Variants in KIF13B observed in about 807,000 individuals in gnomAD.
The protein encoded by KIF13B is kinesin-like protein KIF13B.
Under a neutral mutation model 222.0 loss-of-function variants are expected in KIF13B, and 127 were observed. The observed-to-expected ratio is 0.57, with a 90% CI of 0.50 to 0.66. The LOEUF (loss-of-function observed/expected upper bound fraction) is 0.66, where lower values mean the gene tolerates loss of function less well. KIF13B is among the 30% of genes least tolerant of loss of function. The pLI is 0.00. For synonymous variants in KIF13B, 976 were observed against 919.0 expected (o/e 1.06, Z -1.12); for missense variants, 2,173 against 2,379.0 (o/e 0.91, Z 1.80).
At chr8:29,151,541 T>G (rs1012508905) in intron 14 of KIF13B, among the ~76,000 whole-genome samples, 3 of 152,248 alleles carry the variant, frequency 2.0e-5, no homozygotes, top group Non-Finnish European at 4.4e-5. Context: ...TGCCAATGCT[T>G]ACTGACCATT....
At chr8:29,104,224 C>T (rs184241743) in intron 35 of KIF13B, among the ~76,000 whole-genome samples, 11 of 152,152 alleles carry the variant, frequency 7.2e-5, no homozygotes, top group Admixed American at 2.0e-4. Flanking sequence ...GGCTTCAACT[C>T]GGACACCTGA....
chr8:29,092,151 G>A (rs1024018287), intron 37 of KIF13B, among the ~76,000 whole-genome samples: 1 of 152,200 alleles, frequency 6.6e-6, no homozygotes, highest in East Asian at 1.9e-4. Context: ...CCTATATAAC[G>A]CTGGAAATTG....
At chr8:29,240,303 T>G (rs779061614) in intron 2 of KIF13B, among the ~76,000 whole-genome samples, 71 of 150,194 alleles carry the variant, frequency 4.7e-4, no homozygotes, top group African/African-American at 1.1e-3. Context: ...ATTGTACGCT[T>G]CATCACCATG....
chr8:29,218,713 A>G (rs558559234), intron 2 of KIF13B, among the ~76,000 whole-genome samples: 1 of 152,364 alleles, frequency 6.6e-6, no homozygotes, highest in African/African-American at 2.4e-5. Context: ...TAAGAGAGTC[A>G]TGGATTATAT....
At chr8:29,117,525 TAG>T (rs572874714) in intron 30 of KIF13B, among the ~76,000 whole-genome samples, 5 of 152,202 alleles carry the variant, frequency 3.3e-5, no homozygotes, top group Non-Finnish European at 7.3e-5. Context: ...CACGTTTCTC[TAG>T]TCTACTCTAA....
chr8:29,262,867 C>T, intron 1 of KIF13B, 113 bp downstream of exon 1: 1 of 806,112 alleles, frequency 1.2e-6, no homozygotes, highest in Non-Finnish European at 1.8e-6. Flanking sequence ...CTCCTCGCGC[C>T]CCGCCGCTGA....
Position 29,142,309 on chromosome 8 carries a change from A to G in KIF13B, c.2188-6T>C. ...TCACTAAGAAGAGAGCCTCGCTGCA[A>G]AGAGAGTAAGAATGACCGTGAGAAA... On this transcript the variant is annotated splice_polypyrimidine_tract_variant and splice_region_variant and intron_variant, in intron 18 of 39. Transcript: ENST00000524189. 1.2e-6 allele frequency: 2 copies of G among 1,608,282 alleles called. No homozygotes were observed. The highest frequency in any genetic ancestry group is 1.1e-5 in the South Asian group (1 of 90,372).
chr8:29,197,934 C>T (rs553211450), intron 2 of KIF13B, among the ~76,000 whole-genome samples: 1 of 152,332 alleles, frequency 6.6e-6, no homozygotes, highest in East Asian at 1.9e-4. Flanking sequence ...TGGCCCTTCT[C>T]AGAGGATCAA....
chr8:29,241,706 G>GAA (rs75531371), intron 2 of KIF13B, among the ~76,000 whole-genome samples: 11 of 96,648 alleles, frequency 1.1e-4, no homozygotes, highest in Non-Finnish European at 1.7e-4. Flanking sequence ...GCAAGGGAGG[G>GAA]AAAAAAAAAA....
chr8:29,204,204 A>G (rs1813828194), intron 2 of KIF13B, among the ~76,000 whole-genome samples: 1 of 152,264 alleles, frequency 6.6e-6, no homozygotes, highest in Non-Finnish European at 1.5e-5. Context: ...TGGCCACTGA[A>G]CCACAACTAG....
chr8:29,193,972 C>G (rs1423435194), intron 3 of KIF13B, among the ~76,000 whole-genome samples: 1 of 150,032 alleles, frequency 6.7e-6, no homozygotes, highest in Non-Finnish European at 1.5e-5. Flanking sequence ...CGCCCGCTAC[C>G]ACGCCTGGCT....
At position 29,252,669 on chromosome 8, in the gene KIF13B, C is replaced by A. The variant is rs566086974; in HGVS notation, c.56-7230G>T. ...ACCAATTAGTGTCACATACCCAATA[C>A]TTTTCCATGTCTACACATGTTCATA... On this transcript the variant is annotated intron_variant, in intron 1 of 39. Transcript: ENST00000524189. Among the ~76,000 whole-genome samples the A allele has an allele frequency of 4.6e-5, 7 of 152,318 alleles. No individual in the cohort carries two copies. In the South Asian group the frequency reaches 1.5e-3, roughly 32 times the overall value.
At chr8:29,261,818 C>A (rs1338401483) in intron 1 of KIF13B, among the ~76,000 whole-genome samples, 1 of 151,940 alleles carries the variant, frequency 6.6e-6, no homozygotes, top group Non-Finnish European at 1.5e-5. Context: ...TAACTCCAAG[C>A]GAGAAACCAA....
intron 38 of KIF13B, among the ~76,000 whole-genome samples, chr8:29,073,332 TCTC>T (rs1271787142): frequency 5.9e-5 from 9 of 152,042 alleles, no homozygotes; most frequent in African/African-American, 9.6e-5. Flanking sequence ...GGCCAGCAGC[TCTC>T]CTCATGTCGG....
At chr8:29,167,223 T>C (rs1350293945) in intron 11 of KIF13B, 150 bp downstream of exon 11, 4 of 617,048 alleles carry the variant, frequency 6.5e-6, no homozygotes, top group South Asian at 5.9e-5. Flanking sequence ...CCTTCCTTTA[T>C]TTATTACTCA....
At chr8:29,073,884 T>G (rs1460832108) in intron 38 of KIF13B, among the ~76,000 whole-genome samples, 1 of 152,184 alleles carries the variant, frequency 6.6e-6, no homozygotes, top group African/African-American at 2.4e-5. Context: ...GCTGCAAAAT[T>G]TACTCAATCC....
chr8:29,172,016 C>G lies in KIF13B; in HGVS notation c.945+4052G>C, dbSNP rs1237190178. ...CAGGTGATCTGTCCACCTCGGCCCC[C>G]CAAAGTGCTAGGATTACAGGCCTCA... On this transcript the variant is annotated intron_variant, in intron 10 of 39. Coordinates refer to ENST00000524189, the MANE Select transcript of KIF13B (RefSeq NM_015254.4). Among the ~76,000 whole-genome samples the G allele has an allele frequency of 2.2e-4, 34 of 151,432 alleles. 2 individuals are homozygous for G. Among genetic ancestry groups the G allele is most frequent in the Admixed American group, 2.1e-3 (32 of 15,222 alleles).
intron 2 of KIF13B, among the ~76,000 whole-genome samples, chr8:29,225,887 G>C (rs1197923009): frequency 6.6e-6 from 1 of 152,188 alleles, no homozygotes; most frequent in Non-Finnish European, 1.5e-5. Flanking sequence ...AGCAGCAAAG[G>C]AAACACTGAC....
chr8:29,241,414 T>C (rs1001620105), intron 2 of KIF13B, among the ~76,000 whole-genome samples: 1 of 152,238 alleles, frequency 6.6e-6, no homozygotes, highest in Non-Finnish European at 1.5e-5. Flanking sequence ...ATAAATCTTT[T>C]AAAAAATAAA....
Sources: allele counts gnomAD v4.1 joint callset (sites outside exome capture counted in the v4.1 genomes callset), GRCh38; gene constraint gnomAD v4.1.1; transcripts MANE v1.5; gene names NCBI Gene and HGNC (gene_info 2026-07-23, HGNC 2026-07-21).